ADAM32: variants seen among roughly 807,000 people sequenced by gnomAD.
The protein encoded by ADAM32 is ADAM metallopeptidase domain 32, also known as disintegrin and metalloproteinase domain-containing protein 32.
ADAM32 carries 89 observed loss-of-function variants against 114.9 expected under a neutral mutation model. The ratio of observed to expected loss-of-function variants is 0.77; its 90% confidence interval spans 0.65 to 0.92. The LOEUF is 0.92. Ranked by LOEUF, ADAM32 falls within the 40% of genes least tolerant of loss-of-function variation. ADAM32 has a pLI of 0.00. For missense variants in ADAM32, 870 were observed against 932.8 expected (o/e 0.93, Z 0.88); for synonymous variants, 285 against 307.5 (o/e 0.93, Z 0.77).
intron 18 of ADAM32, among the ~76,000 whole-genome samples, chr8:39,255,711 G>A (rs935116458): frequency 2.0e-5 from 3 of 151,924 alleles, no homozygotes; most frequent in African/African-American, 4.8e-5. Context: ...CTTTTGCTTC[G>A]CAGAAGCTTT....
At chr8:39,175,758 G>A (rs1228678958) in intron 10 of ADAM32, among the ~76,000 whole-genome samples, 1 of 152,090 alleles carries the variant, frequency 6.6e-6, no homozygotes, top group Admixed American at 6.5e-5. Context: ...AATGGTACCA[G>A]CTCTTCTTTC....
At chr8:39,193,962 C>G (rs757118684) in intron 11 of ADAM32, among the ~76,000 whole-genome samples, 8 of 152,162 alleles carry the variant, frequency 5.3e-5, no homozygotes, top group Non-Finnish European at 1.2e-4. Context: ...CAGCAGGATC[C>G]ATCTTTATTT....
chr8:39,183,233 G>T (rs969953760), intron 10 of ADAM32, among the ~76,000 whole-genome samples: 2 of 152,188 alleles, frequency 1.3e-5, no homozygotes, highest in Non-Finnish European at 2.9e-5. Flanking sequence ...ATCATGTGCT[G>T]ATCACTGTGA....
intron 16 of ADAM32, among the ~76,000 whole-genome samples, chr8:39,240,134 A>G (rs536013689): frequency 6.6e-6 from 1 of 152,344 alleles, no homozygotes; most frequent in East Asian, 1.9e-4. Flanking sequence ...ATTTCTATTC[A>G]TCAGCACATG....
intron 11 of ADAM32, among the ~76,000 whole-genome samples, chr8:39,195,385 T>A (rs1284605183): frequency 6.6e-6 from 1 of 152,238 alleles, no homozygotes; most frequent in Non-Finnish European, 1.5e-5. Flanking sequence ...CTACAGATTG[T>A]CTCTTCATTC....
chr8:39,185,351 A>AACAAAAG lies in ADAM32; in HGVS notation c.916-1552_916-1551insGACAAAA, dbSNP rs374388621. 1.1e-3 allele frequency among the ~76,000 whole-genome samples: 160 copies of AACAAAAG among 151,424 alleles called. 2 individuals carry two copies. Among genetic ancestry groups the AACAAAAG allele is most frequent in the African/African-American group, 3.8e-3 (155 of 41,298 alleles). ...TGTCATCTCCAGTCTACAAAAAAAA[A>AACAAAAG]ACAAAAAACAAACAAACAAACAAAA... On this transcript the variant is annotated intron_variant, in intron 10 of 24. Coordinates refer to ENST00000379907, the MANE Select transcript of ADAM32 (RefSeq NM_145004.7).
At chr8:39,149,465 G>A (rs1188645648) in intron 4 of ADAM32, among the ~76,000 whole-genome samples, 2 of 152,056 alleles carry the variant, frequency 1.3e-5, no homozygotes, top group Non-Finnish European at 2.9e-5. Context: ...AGTTTTTAAA[G>A]AAATCCAGAT....
At chr8:39,244,419 CA>C (rs1294628368) in intron 16 of ADAM32, among the ~76,000 whole-genome samples, 1 of 152,154 alleles carries the variant, frequency 6.6e-6, no homozygotes, top group Non-Finnish European at 1.5e-5. Flanking sequence ...CTATAATCAC[CA>C]GAACAGCATG....
intron 10 of ADAM32, among the ~76,000 whole-genome samples, chr8:39,179,700 G>A (rs2129446830): frequency 6.6e-6 from 1 of 152,172 alleles, no homozygotes; most frequent in South Asian, 2.1e-4. Flanking sequence ...GGGCTTCCCT[G>A]GCTCCATGCC....
At chr8:39,118,475 G>A (rs1329198937) in intron 2 of ADAM32, among the ~76,000 whole-genome samples, 1 of 152,048 alleles carries the variant, frequency 6.6e-6, no homozygotes, top group Non-Finnish European at 1.5e-5. Context: ...TCTCCAAAAT[G>A]TCTAAGACAA....
intron 3 of ADAM32, among the ~76,000 whole-genome samples, chr8:39,145,616 A>G (rs1018434066): frequency 1.3e-5 from 2 of 152,218 alleles, no homozygotes; most frequent in African/African-American, 4.8e-5. Context: ...AGTGGTATCT[A>G]TCATTATCAC....
chr8:39,164,897 T>A, intron 8 of ADAM32, 62 bp downstream of exon 8: 1 of 1,532,908 alleles, frequency 6.5e-7, no homozygotes, highest in Non-Finnish European at 9.0e-7. Context: ...TTGCCTAAAC[T>A]TGATGCGGTA....
At chr8:39,261,594 A>G (rs1021894574) in intron 19 of ADAM32, among the ~76,000 whole-genome samples, 16 of 152,124 alleles carry the variant, frequency 1.1e-4, no homozygotes, top group Non-Finnish European at 1.5e-5. Context: ...GCTGGTTCAT[A>G]TGGTAGTTGC....
At chr8:39,284,684 T>C (rs1813665214) in intron 24 of ADAM32, 109 bp from the exon 25 acceptor site, 1 of 1,223,842 alleles carries the variant, frequency 8.2e-7, no homozygotes, top group Non-Finnish European at 1.2e-6. Context: ...ATAATTCTTT[T>C]TTTCGTGCCA....
intron 19 of ADAM32, among the ~76,000 whole-genome samples, chr8:39,267,240 A>G (rs755209076): frequency 6.6e-6 from 1 of 152,172 alleles, no homozygotes; most frequent in Non-Finnish European, 1.5e-5. Context: ...CTGGTGGGGA[A>G]AGGCTGCAGG....
At chr8:39,207,200 T>A (rs1435779469) in intron 11 of ADAM32, among the ~76,000 whole-genome samples, 1 of 152,144 alleles carries the variant, frequency 6.6e-6, no homozygotes, top group Non-Finnish European at 1.5e-5. Flanking sequence ...TTTTGTCACT[T>A]CTCCAATGAA....
In ADAM32 at chr8:39,281,175, G is replaced by A; in HGVS notation, c.2318+1G>A. 7.3e-7 allele frequency: 1 copy of A among 1,373,042 alleles called. No homozygotes were observed. The highest frequency in any genetic ancestry group is 1.8e-5 in the South Asian group (1 of 54,596). The allele number at this position is 1,373,042 out of a possible 1,614,324, so 85.1% of individuals were successfully genotyped here. ...ATAGTGCTGAAGCATATACTAGCAGGTAAGCAGGATAGAAAGTGTTACTTA... is the reference window on the plus strand; with the variant it reads ...ATAGTGCTGAAGCATATACTAGCAGATAAGCAGGATAGAAAGTGTTACTTA... On this transcript the variant is annotated splice_donor_variant, in intron 23 of 24. Coordinates refer to ENST00000379907, the MANE Select transcript of ADAM32 (RefSeq NM_145004.7). LOFTEE classifies it high-confidence loss of function.
chr8:39,259,630 T>C (rs1204723272), intron 19 of ADAM32, among the ~76,000 whole-genome samples: 1 of 152,224 alleles, frequency 6.6e-6, no homozygotes, highest in Non-Finnish European at 1.5e-5. Context: ...TCATTTGACT[T>C]TCAAATTTCT....
chr8:39,203,377 C>G (rs900146674), intron 11 of ADAM32, among the ~76,000 whole-genome samples: 1 of 152,090 alleles, frequency 6.6e-6, no homozygotes, highest in Non-Finnish European at 1.5e-5. Flanking sequence ...ATCCCTTTAC[C>G]ATTATGTAAT....
Sources: allele counts gnomAD v4.1 joint callset (sites outside exome capture counted in the v4.1 genomes callset), GRCh38; gene constraint gnomAD v4.1.1; transcripts MANE v1.5; gene names NCBI Gene and HGNC (gene_info 2026-07-23, HGNC 2026-07-21).